LRBA: variants seen among roughly 807,000 people sequenced by gnomAD.
The protein encoded by LRBA is LPS responsive beige-like anchor protein, also known as lipopolysaccharide-responsive and beige-like anchor protein.
Under a neutral mutation model 330.0 loss-of-function variants are expected in LRBA, and 176 were observed. That is an observed-to-expected ratio of 0.53 (90% confidence interval 0.47 to 0.60). LRBA has a LOEUF of 0.60. LRBA is among the 20% of genes least tolerant of loss of function. The pLI is 0.00. For synonymous variants in LRBA, 1,230 were observed against 1,193.0 expected (o/e 1.03, Z -0.64); for missense variants, 3,259 against 3,444.8 (o/e 0.95, Z 1.35).
intron 40 of LRBA, among the ~76,000 whole-genome samples, chr4:150,566,129 T>A (rs1461015417): frequency 2.6e-5 from 4 of 151,966 alleles, no homozygotes; most frequent in African/African-American, 9.7e-5. Context: ...CTTGAGAGGC[T>A]GAAGCAGAAA....
chr4:150,876,202 A>G (rs900964020), intron 17 of LRBA, among the ~76,000 whole-genome samples: 1 of 152,216 alleles, frequency 6.6e-6, no homozygotes, highest in African/African-American at 2.4e-5. Flanking sequence ...AAAATGAAAA[A>G]AAGTCTTCAA....
chr4:150,881,969 C>T (rs1728443933), intron 17 of LRBA, among the ~76,000 whole-genome samples: 1 of 151,906 alleles, frequency 6.6e-6, no homozygotes, highest in African/African-American at 2.4e-5. Context: ...GCCTGTAATC[C>T]CAGCTACTCT....
At chr4:150,801,147 CATT>C (rs1415265019) in intron 33 of LRBA, among the ~76,000 whole-genome samples, 1 of 152,068 alleles carries the variant, frequency 6.6e-6, no homozygotes, top group East Asian at 1.9e-4. Context: ...TGGCAATAAA[CATT>C]ATGAGAAACT....
chr4:150,652,348 C>T (rs1779785735), intron 37 of LRBA, among the ~76,000 whole-genome samples: 1 of 152,072 alleles, frequency 6.6e-6, no homozygotes, highest in African/African-American at 2.4e-5. Context: ...ATACATTCCT[C>T]TTTTATTTTT....
chr4:150,846,972 T>A (rs1222711764), intron 26 of LRBA, among the ~76,000 whole-genome samples: 2 of 152,198 alleles, frequency 1.3e-5, no homozygotes, highest in South Asian at 2.1e-4. Context: ...CCTTGCACTT[T>A]TACTTCTAGA....
At chr4:150,838,163 C>G (rs1748454165) in intron 28 of LRBA, among the ~76,000 whole-genome samples, 1 of 152,154 alleles carries the variant, frequency 6.6e-6, no homozygotes, top group South Asian at 2.1e-4. Context: ...GAGATCCGCT[C>G]TTAGTCTGAT....
chr4:150,490,872 G>C (rs1561254180), intron 41 of LRBA, 46 bp downstream of exon 41: 2 of 1,089,882 alleles, frequency 1.8e-6, no homozygotes, highest in South Asian at 3.2e-5. Context: ...AAATCTTAAA[G>C]AGATGGAAGT....
chr4:150,785,243 G>T (rs1239830139), intron 34 of LRBA, among the ~76,000 whole-genome samples: 5 of 152,140 alleles, frequency 3.3e-5, no homozygotes, highest in African/African-American at 1.2e-4. Flanking sequence ...GACAGAACTG[G>T]TTGGCAAGTT....
At chr4:150,471,091 TTA>T (rs1561223937) in intron 43 of LRBA, among the ~76,000 whole-genome samples, 1 of 152,174 alleles carries the variant, frequency 6.6e-6, no homozygotes, top group Non-Finnish European at 1.5e-5. Context: ...TTTTTTCCCA[TTA>T]TATCTTTATG....
intron 2 of LRBA, among the ~76,000 whole-genome samples, chr4:150,948,193 T>G (rs1308606349): frequency 2.0e-5 from 3 of 151,980 alleles, no homozygotes; most frequent in African/African-American, 4.8e-5. Flanking sequence ...AAGAGAAAGA[T>G]AAAGTAGAAA....
intron 47 of LRBA, among the ~76,000 whole-genome samples, chr4:150,407,880 C>A (rs1746420387): frequency 6.6e-6 from 1 of 151,886 alleles, no homozygotes; most frequent in Admixed American, 6.6e-5. Context: ...AACAAAATAT[C>A]AAAATTTATG....
chr4:150,859,672 G>A (rs1683195318), intron 22 of LRBA, among the ~76,000 whole-genome samples: 1 of 152,216 alleles, frequency 6.6e-6, no homozygotes, highest in East Asian at 1.9e-4. Context: ...CTGCTACAAA[G>A]GTGGCAGGAA....
intron 22 of LRBA, among the ~76,000 whole-genome samples, chr4:150,861,522 G>T (rs1265621124): frequency 1.3e-5 from 2 of 152,060 alleles, no homozygotes; most frequent in Non-Finnish European, 2.9e-5. Context: ...GATTTAAAAT[G>T]GTACCTACAT....
At chr4:150,803,905 C>T (rs1350873625) in intron 33 of LRBA, among the ~76,000 whole-genome samples, 1 of 151,988 alleles carries the variant, frequency 6.6e-6, no homozygotes, top group Non-Finnish European at 1.5e-5. Context: ...ATTGCTAATG[C>T]TTCTGGGTAT....
chr4:150,584,330 A>C, intron 40 of LRBA: 1 of 441,464 alleles, frequency 2.3e-6, no homozygotes, highest in Non-Finnish European at 3.9e-6. Flanking sequence ...TCTTCCAAAC[A>C]ATGTGAATTT....
intron 36 of LRBA, among the ~76,000 whole-genome samples, chr4:150,710,312 T>C (rs1263155375): frequency 6.6e-6 from 1 of 151,840 alleles, no homozygotes; most frequent in Non-Finnish European, 1.5e-5. Context: ...TGGGAAAAAA[T>C]GGAGGAGTAG....
chr4:150,797,441 C>T (rs369348684), intron 34 of LRBA, among the ~76,000 whole-genome samples: 2 of 151,768 alleles, frequency 1.3e-5, no homozygotes, highest in Admixed American at 6.6e-5. Context: ...TAAAAACATT[C>T]ATCTGTTTAA....
At chr4:150,647,759 G>C (rs1779300947) in intron 37 of LRBA, among the ~76,000 whole-genome samples, 1 of 151,702 alleles carries the variant, frequency 6.6e-6, no homozygotes, top group East Asian at 1.9e-4. Flanking sequence ...TTGTTTTCCT[G>C]GCACCACACT....
chr4:150,873,459 C>T (rs1279493447), intron 17 of LRBA, among the ~76,000 whole-genome samples: 2 of 151,894 alleles, frequency 1.3e-5, no homozygotes, highest in African/African-American at 2.4e-5. Context: ...GGTGTGGTGG[C>T]ATGTGCCTCT....
Sources: gnomAD v4.1 joint callset for allele counts (sites outside exome capture counted in the v4.1 genomes callset) on GRCh38, gnomAD v4.1.1 for gene constraint, MANE v1.5 for transcripts, NCBI Gene and HGNC (gene_info 2026-07-23, HGNC 2026-07-21) for gene names.